Variants in NUBPL observed in about 807,000 individuals in gnomAD.
The protein encoded by NUBPL is iron-sulfur cluster transfer protein NUBPL.
A neutral mutation model predicts 45.7 loss-of-function variants in NUBPL; 31 were observed. The ratio of observed to expected loss-of-function variants is 0.68; its 90% confidence interval spans 0.51 to 0.92. The LOEUF is 0.92. Among genes scored for constraint, NUBPL ranks in the 40% least tolerant of loss-of-function variants. The probability of loss-of-function intolerance (pLI) is 0.00; values close to 1 mark genes in which losing one functional copy is unlikely to be tolerated. For missense variants in NUBPL, 401 were observed against 398.7 expected (o/e 1.01, Z -0.05); for synonymous variants, 144 against 140.9 (o/e 1.02, Z -0.15).
At chr14:31,832,180 A>G (rs1230652068) in intron 8 of NUBPL, among the ~76,000 whole-genome samples, 1 of 152,176 alleles carries the variant, frequency 6.6e-6, no homozygotes, top group African/African-American at 2.4e-5. Context: ...GCCTTCTTCC[A>G]TGTAGTCAAG....
At chr14:31,701,155 AC>A (rs1208944948) in intron 6 of NUBPL, among the ~76,000 whole-genome samples, 1 of 151,552 alleles carries the variant, frequency 6.6e-6, no homozygotes. Context: ...GACTTGGAGA[AC>A]TTTTATGTCT....
chr14:31,722,781 G>T (rs945747729), intron 6 of NUBPL, among the ~76,000 whole-genome samples: 1 of 151,940 alleles, frequency 6.6e-6, no homozygotes, highest in Non-Finnish European at 1.5e-5. Flanking sequence ...CTTTTAATGG[G>T]GTTGGTTTTT....
intron 4 of NUBPL, among the ~76,000 whole-genome samples, chr14:31,639,722 G>A (rs1023581949): frequency 6.6e-6 from 1 of 152,224 alleles, no homozygotes; most frequent in South Asian, 2.1e-4. Flanking sequence ...TCCTTGAGCT[G>A]TGGTGGGCTC....
intron 6 of NUBPL, among the ~76,000 whole-genome samples, chr14:31,745,988 G>GA (rs2038391058): frequency 6.6e-6 from 1 of 152,002 alleles, no homozygotes; most frequent in Non-Finnish European, 1.5e-5. Context: ...TTGGTGGGCG[G>GA]ATGCTGGGGC....
chr14:31,573,836 A>G (rs1038755263), intron 3 of NUBPL, among the ~76,000 whole-genome samples: 1 of 152,174 alleles, frequency 6.6e-6, no homozygotes, highest in African/African-American at 2.4e-5. Context: ...AAGTTTGTTT[A>G]CTATCTCCTC....
intron 6 of NUBPL, among the ~76,000 whole-genome samples, chr14:31,713,690 T>G (rs2037626680): frequency 6.6e-6 from 1 of 152,206 alleles, no homozygotes; most frequent in African/African-American, 2.4e-5. Context: ...TCTCTCTTGC[T>G]TAGAAACCTG....
chr14:31,823,893 G>A (rs555976153), intron 7 of NUBPL, among the ~76,000 whole-genome samples: 157 of 150,956 alleles, frequency 1.0e-3, no homozygotes, highest in Non-Finnish European at 2.0e-3. Context: ...AATTTTTGCC[G>A]AGATATGATT....
intron 6 of NUBPL, among the ~76,000 whole-genome samples, chr14:31,749,902 CT>C (rs2038484262): frequency 6.6e-6 from 1 of 151,998 alleles, no homozygotes; most frequent in African/African-American, 2.4e-5. Context: ...TTTTATTCTC[CT>C]TTTTTGTTCC....
chr14:31,729,341 A>C (rs1477799472), intron 6 of NUBPL, among the ~76,000 whole-genome samples: 1 of 143,354 alleles, frequency 7.0e-6, no homozygotes, highest in Non-Finnish European at 1.5e-5. Flanking sequence ...CACCATATGC[A>C]GAATATATGA....
chr14:31,750,856 G>C (rs2038510995), intron 6 of NUBPL, among the ~76,000 whole-genome samples: 1 of 152,172 alleles, frequency 6.6e-6, no homozygotes, highest in African/African-American at 2.4e-5. Context: ...CCTGAGACTG[G>C]GTAATTTATG....
At chr14:31,580,104 T>C (rs917568540) in intron 3 of NUBPL, among the ~76,000 whole-genome samples, 1 of 152,228 alleles carries the variant, frequency 6.6e-6, no homozygotes, top group African/African-American at 2.4e-5. Context: ...AAGGATATAA[T>C]ACTCAGTGCT....
At chr14:31,702,922 G>GA (rs2037370310) in intron 6 of NUBPL, among the ~76,000 whole-genome samples, 1 of 152,050 alleles carries the variant, frequency 6.6e-6, no homozygotes, top group Admixed American at 6.5e-5. Context: ...GCCCAATTTT[G>GA]TACTACATAA....
intron 6 of NUBPL, among the ~76,000 whole-genome samples, chr14:31,677,174 T>C (rs2036720526): frequency 1.3e-5 from 2 of 152,226 alleles, no homozygotes; most frequent in Non-Finnish European, 2.9e-5. Flanking sequence ...TTATCCTTTG[T>C]GTTTCAAACA....
intron 6 of NUBPL, among the ~76,000 whole-genome samples, chr14:31,729,180 G>A (rs1051081591): frequency 2.0e-5 from 3 of 151,664 alleles, no homozygotes; most frequent in Non-Finnish European, 2.9e-5. Flanking sequence ...TTGGGAGGCT[G>A]AGGCAAGAGA....
At chr14:31,801,934 AT>A (rs1171616837) in intron 7 of NUBPL, among the ~76,000 whole-genome samples, 2 of 152,194 alleles carry the variant, frequency 1.3e-5, no homozygotes, top group Non-Finnish European at 2.9e-5. Flanking sequence ...GCTAGTTAAT[AT>A]GTTGAATATT....
intron 6 of NUBPL, among the ~76,000 whole-genome samples, chr14:31,759,875 G>T (rs1009476528): frequency 2.0e-5 from 3 of 150,966 alleles, no homozygotes; most frequent in African/African-American, 7.3e-5. Context: ...CACAACTGTA[G>T]GCCAGTATAA....
At chr14:31,693,916 C>T (rs1024318732) in intron 6 of NUBPL, among the ~76,000 whole-genome samples, 4 of 130,544 alleles carry the variant, frequency 3.1e-5, no homozygotes, top group African/African-American at 9.5e-5. Context: ...AGTGCAGTGG[C>T]GTGATCTGGG....
At chr14:31,601,228 G>A (rs1451522630) in intron 4 of NUBPL, among the ~76,000 whole-genome samples, 1 of 152,220 alleles carries the variant, frequency 6.6e-6, no homozygotes, top group Non-Finnish European at 1.5e-5. Context: ...GATTGACTTG[G>A]TGATGCAGGC....
At chr14:31,805,232 G>A (rs148304359) in intron 7 of NUBPL, among the ~76,000 whole-genome samples, 209 of 152,332 alleles carry the variant, frequency 1.4e-3, no homozygotes, top group Admixed American at 4.4e-3. Flanking sequence ...ACACCAGTCA[G>A]AATGGCTGTT....
Sources: gnomAD v4.1 joint callset for allele counts (sites outside exome capture counted in the v4.1 genomes callset) on GRCh38, gnomAD v4.1.1 for gene constraint, MANE v1.5 for transcripts, NCBI Gene and HGNC (gene_info 2026-07-23, HGNC 2026-07-21) for gene names.